Variants in VPS13B observed in about 807,000 individuals in gnomAD.
The protein encoded by VPS13B is vacuolar protein sorting 13 homolog B, also known as intermembrane lipid transfer protein VPS13B.
Under a neutral mutation model 426.4 loss-of-function variants are expected in VPS13B, and 285 were observed. The observed-to-expected ratio is 0.67, with a 90% CI of 0.61 to 0.74. The LOEUF is 0.74. VPS13B is among the 30% of genes least tolerant of loss of function. The pLI is 0.00. For synonymous variants in VPS13B, 1,676 were observed against 1,676.4 expected, an observed-to-expected ratio of 1.00 and a Z score of 0.01; for missense variants, 4,537 against 4,782.6, an observed-to-expected ratio of 0.95 and a Z score of 1.51.
At chr8:99,053,177 A>G (rs1026538090) in intron 3 of VPS13B, among the ~76,000 whole-genome samples, 2 of 151,830 alleles carry the variant, frequency 1.3e-5, no homozygotes, top group African/African-American at 4.8e-5. Context: ...TTTAGGGTAC[A>G]TGTGCACAAC....
chr8:99,529,677 G>A (rs931371369), intron 30 of VPS13B, among the ~76,000 whole-genome samples: 1 of 152,188 alleles, frequency 6.6e-6, no homozygotes, highest in Non-Finnish European at 1.5e-5. Flanking sequence ...TATAGCTTAT[G>A]TGTTCTTTGT....
intron 51 of VPS13B, 77 bp downstream of exon 51, chr8:99,824,055 A>G (rs1025957375): frequency 1.6e-5 from 25 of 1,533,632 alleles, no homozygotes; most frequent in Non-Finnish European, 2.1e-5. Context: ...TCTTTAACCT[A>G]TAGCAAATGA....
chr8:99,640,063 A>AGAAGAAGAAG (rs1233008721), intron 33 of VPS13B, among the ~76,000 whole-genome samples: 4 of 103,046 alleles, frequency 3.9e-5, no homozygotes, highest in African/African-American at 1.5e-4. Context: ...AAAGAAAAGA[A>AGAAGAAGAAG]AAGAAAAGAA....
chr8:99,518,071 C>G (rs1220705877), intron 29 of VPS13B, among the ~76,000 whole-genome samples: 1 of 151,902 alleles, frequency 6.6e-6, no homozygotes, highest in East Asian at 1.9e-4. Context: ...ACTGAGAACA[C>G]TTTTGGCCCT....
chr8:99,736,345 G>A (rs1588667184), intron 39 of VPS13B, among the ~76,000 whole-genome samples: 1 of 152,162 alleles, frequency 6.6e-6, no homozygotes, highest in African/African-American at 2.4e-5. Context: ...GGCTGAGGCG[G>A]GTGGATCATT....
intron 19 of VPS13B, among the ~76,000 whole-genome samples, chr8:99,343,623 T>G (rs1412585874): frequency 6.6e-6 from 1 of 152,218 alleles, no homozygotes; most frequent in Non-Finnish European, 1.5e-5. Context: ...CGTACAAAAT[T>G]AGTAGCATTT....
chr8:99,206,036 A>G (rs982680752), intron 17 of VPS13B, among the ~76,000 whole-genome samples: 5 of 152,206 alleles, frequency 3.3e-5, no homozygotes, highest in Non-Finnish European at 5.9e-5. Flanking sequence ...GTTATTGAAT[A>G]TATATTTTTG....
intron 6 of VPS13B, 147 bp from the exon 7 acceptor site, chr8:99,115,553 A>G (rs1847612317): frequency 1.2e-6 from 1 of 813,214 alleles, no homozygotes; most frequent in Non-Finnish European, 1.9e-6. Flanking sequence ...AAGATCTTAG[A>G]GTAAGTATTG....
intron 36 of VPS13B, among the ~76,000 whole-genome samples, chr8:99,713,301 A>T (rs540554830): frequency 2.6e-4 from 39 of 152,250 alleles, no homozygotes; most frequent in African/African-American, 9.1e-4. Context: ...ATAAATATCA[A>T]CCTTTTATGG....
intron 19 of VPS13B, among the ~76,000 whole-genome samples, chr8:99,339,163 T>G (rs1222845873): frequency 6.6e-6 from 1 of 152,224 alleles, no homozygotes; most frequent in Non-Finnish European, 1.5e-5. Flanking sequence ...TGTTTGCTAT[T>G]TGTATTCTTT....
In VPS13B at chr8:99,809,429, A is replaced by G. The variant is rs1813586104; in HGVS notation, c.7996A>G (p.Ser2666Gly). The change falls in exon 44 of 62, where the codon AGT becomes GGT. Residue 2666 changes from serine (S) to glycine (G), a missense_variant. Physicochemically the swap from Ser to Gly is moderately conservative, Grantham distance 56. This residue lies in a region of VPS13B where 4,311 missense variants were observed against 4,474.3 expected (regional missense o/e 0.96). Transcript: ENST00000357162. ...CAACTGGCGTTGGTCAGAGCCTTTC[A>G]GTGTGGACCATGCCGGGACTTTTAT... ...WGNWRWSEPF[S>G]VDHAGTFIRT... is the part of the protein sequence containing the mutation. 1 of 1,613,886 alleles carries G rather than the reference A, an allele frequency of 6.2e-7. No individual in the cohort carries two copies. The highest frequency in any genetic ancestry group is 1.7e-5 in the Admixed American group (1 of 59,990).
intron 28 of VPS13B, among the ~76,000 whole-genome samples, chr8:99,509,228 C>T (rs546251861): frequency 6.6e-6 from 1 of 152,216 alleles, no homozygotes; most frequent in South Asian, 2.1e-4. Flanking sequence ...GCTAATAAAA[C>T]TGGTAGCACT....
chr8:99,244,221 G>A (rs1817080147), intron 17 of VPS13B, among the ~76,000 whole-genome samples: 1 of 152,240 alleles, frequency 6.6e-6, no homozygotes, highest in Non-Finnish European at 1.5e-5. Context: ...TTCCAAAGAA[G>A]TATAACTGGC....
intron 24 of VPS13B, 44 bp downstream of exon 24, chr8:99,467,678 T>G: frequency 6.3e-7 from 1 of 1,583,368 alleles, no homozygotes; most frequent in Non-Finnish European, 8.6e-7. Flanking sequence ...AGTAATGTGA[T>G]TTAAAAGCAA....
At chr8:99,737,495 C>G (rs928472801) in intron 39 of VPS13B, among the ~76,000 whole-genome samples, 5 of 152,092 alleles carry the variant, frequency 3.3e-5, no homozygotes, top group African/African-American at 1.2e-4. Context: ...GAAATCACCT[C>G]TTGTTTTCCA....
At chr8:99,311,501 G>T (rs1369672408) in intron 19 of VPS13B, among the ~76,000 whole-genome samples, 1 of 152,134 alleles carries the variant, frequency 6.6e-6, no homozygotes, top group Admixed American at 6.5e-5. Context: ...TCTTTATCCC[G>T]AGTTCTAGTT....
chr8:99,524,033 A>T (rs2133677308), intron 30 of VPS13B, among the ~76,000 whole-genome samples: 1 of 152,302 alleles, frequency 6.6e-6, no homozygotes, highest in Admixed American at 6.5e-5. Flanking sequence ...GATAAATTTA[A>T]CGAAGAGATT....
intron 20 of VPS13B, among the ~76,000 whole-genome samples, chr8:99,386,305 G>C (rs1814119346): frequency 6.6e-6 from 1 of 152,130 alleles, no homozygotes. Flanking sequence ...CTTTTAAAAT[G>C]AACATACAAT....
rs1563767252 is a variant in VPS13B at position 99,507,893 on chromosome 8, C to T, written c.4224+690C>T. On this transcript the variant is annotated intron_variant, in intron 28 of 61. Transcript: ENST00000357162. ...GCAAGCAGGACCCTTTCAGTAATTG[C>T]TCTGGCTTCTTTCCTTCTGTAAGAA... The T allele has an allele frequency of 1.7e-5, 27 of 1,613,968 alleles. No individual in the cohort carries two copies. The highest frequency in any genetic ancestry group is 2.3e-5 in the Non-Finnish European group (27 of 1,179,984).
Sources: gnomAD v4.1 joint callset for allele counts (sites outside exome capture counted in the v4.1 genomes callset) on GRCh38, gnomAD v4.1.1 for gene constraint, gnomAD v4.1.1 regional missense constraint, MANE v1.5 for transcripts, NCBI Gene and HGNC (gene_info 2026-07-23, HGNC 2026-07-21) for gene names.